The following GARIN1B variants were observed in gnomAD, a reference collection of about 807,000 sequenced individuals.
GARIN1B encodes the protein golgi associated RAB2 interactor 1B.
the GARIN1B span, among the ~76,000 whole-genome samples, chr7:128,726,426 T>G: frequency 1.3e-5 from 2 of 152,252 alleles, no homozygotes; most frequent in Admixed American, 1.3e-4. Flanking sequence ...ATGAAGCCCC[T>G]GAGTGATGAT....
chr7:128,724,813 C>G, the GARIN1B span: 1 of 1,289,738 alleles, frequency 7.8e-7, no homozygotes, highest in South Asian at 1.2e-5. Flanking sequence ...AATTCCCTTT[C>G]TTTCTGAGCA....
At chr7:128,728,637 A>T in the GARIN1B span, among the ~76,000 whole-genome samples, 1 of 152,236 alleles carries the variant, frequency 6.6e-6, no homozygotes, top group East Asian at 1.9e-4. Context: ...CGTTGTTGCC[A>T]TGCTGGAATC....
the GARIN1B span, among the ~76,000 whole-genome samples, chr7:128,713,238 T>C: frequency 6.6e-6 from 1 of 152,012 alleles, no homozygotes; most frequent in Admixed American, 6.5e-5. Flanking sequence ...ACTCGGGACA[T>C]GGAGGTTGCA....
At chr7:128,713,894 C>A in the GARIN1B span, 10 of 1,101,170 alleles carry the variant, frequency 9.1e-6, no homozygotes, top group East Asian at 2.8e-5. Context: ...TTAATTACTA[C>A]GCTTTTGTGC....
At chr7:128,731,715 G>A in the GARIN1B span, 6,112 of 155,202 alleles carry the variant, frequency 0.039, 413 homozygotes, top group African/African-American at 0.14. Context: ...GCTAGTTCCT[G>A]TCTTCTGATT....
At chr7:128,722,780 G>A in the GARIN1B span, among the ~76,000 whole-genome samples, 1 of 151,888 alleles carries the variant, frequency 6.6e-6, no homozygotes, top group African/African-American at 2.4e-5. Flanking sequence ...CTCCAGCCTG[G>A]CTATAAGAGC....
the GARIN1B span, chr7:128,717,043 G>A: frequency 2.6e-6 from 4 of 1,518,160 alleles, no homozygotes; most frequent in Admixed American, 6.0e-5. Context: ...GTGAGGGGTG[G>A]ATGCAAAGTG....
the GARIN1B span, among the ~76,000 whole-genome samples, chr7:128,721,978 A>AT: frequency 6.6e-6 from 1 of 151,950 alleles, no homozygotes; most frequent in African/African-American, 2.4e-5. Context: ...GTATATACTT[A>AT]TTTTTTATAT....
chr7:128,718,976 G>T, the GARIN1B span: 1 of 1,614,166 alleles, frequency 6.2e-7, no homozygotes, highest in Non-Finnish European at 8.5e-7. Flanking sequence ...GATCCGACTG[G>T]TTCAAATTCT....
At chr7:128,722,279 A>G in the GARIN1B span, among the ~76,000 whole-genome samples, 3 of 152,136 alleles carry the variant, frequency 2.0e-5, no homozygotes, top group African/African-American at 7.2e-5. Context: ...TTCAGCTACA[A>G]CAGAAACTCC....
chr7:128,718,712 A>G, the GARIN1B span: 9 of 1,291,358 alleles, frequency 7.0e-6, no homozygotes, highest in African/African-American at 1.5e-5. Context: ...GTGCTAAAGC[A>G]CCCTCTTTTC....
the GARIN1B span, chr7:128,729,975 A>G: frequency 1.2e-6 from 2 of 1,614,026 alleles, no homozygotes; most frequent in African/African-American, 1.3e-5. Context: ...TCACGTACGG[A>G]GAGTGGGAAA....
At chr7:128,709,750 C>CTTTTTTTTTTT in the GARIN1B span, among the ~76,000 whole-genome samples, 2 of 114,618 alleles carry the variant, frequency 1.7e-5, no homozygotes, top group Non-Finnish European at 1.8e-5. Context: ...CTCTCTCTCT[C>CTTTTTTTTTTT]TTTTTTTTTT....
At chr7:128,715,242 G>C in the GARIN1B span, 6 of 1,414,500 alleles carry the variant, frequency 4.2e-6, no homozygotes, top group Non-Finnish European at 5.5e-6. Context: ...GCACGGATAA[G>C]GCACACAAGC....
At chr7:128,718,560 A>T in the GARIN1B span, among the ~76,000 whole-genome samples, 2 of 152,174 alleles carry the variant, frequency 1.3e-5, no homozygotes, top group African/African-American at 2.4e-5. Context: ...GAATCATGGC[A>T]GGGTAGGTGG....
the GARIN1B span, chr7:128,719,132 T>C: frequency 1.9e-6 from 3 of 1,590,464 alleles, no homozygotes; most frequent in Non-Finnish European, 8.6e-7. Context: ...AGCAGCAAGG[T>C]AGAGCTTAAC....
the GARIN1B span, among the ~76,000 whole-genome samples, chr7:128,710,040 C>T: frequency 6.6e-6 from 1 of 152,084 alleles, no homozygotes; most frequent in Non-Finnish European, 1.5e-5. Flanking sequence ...GCCTCAATCT[C>T]CTGAGTAGCT....
chr7:128,729,255 A>G, the GARIN1B span, among the ~76,000 whole-genome samples: 7 of 152,144 alleles, frequency 4.6e-5, no homozygotes, highest in African/African-American at 1.7e-4. Context: ...TTAAAATTGG[A>G]AAAACCAGAG....
chr7:128,715,375 C>G, the GARIN1B span: 1 of 1,574,766 alleles, frequency 6.4e-7, no homozygotes. Flanking sequence ...GGCCAGCTGC[C>G]CAAGGCCAGG....
Sources: gnomAD v4.1 joint callset for allele counts (sites outside exome capture counted in the v4.1 genomes callset) on GRCh38, gnomAD v4.1.1 for gene constraint, MANE v1.5 for transcripts, NCBI Gene and HGNC (gene_info 2026-07-23, HGNC 2026-07-21) for gene names.